Variants in QTMAN observed in about 807,000 individuals in gnomAD.
QTMAN encodes the protein queuosine-tRNA mannosyltransferase.
At chr2:143,993,069 A>T in the QTMAN span, among the ~76,000 whole-genome samples, 3,736 of 152,276 alleles carry the variant, frequency 0.025, 150 homozygotes, top group African/African-American at 0.085. Flanking sequence ...AAAAGCCTTG[A>T]TAATGAACAT....
chr2:144,075,576 G>T, the QTMAN span, among the ~76,000 whole-genome samples: 2 of 152,188 alleles, frequency 1.3e-5, no homozygotes, highest in East Asian at 1.9e-4. Context: ...CCCTTACAAA[G>T]AAGTAGTGAT....
chr2:144,017,695 A>C, the QTMAN span, among the ~76,000 whole-genome samples: 1 of 152,202 alleles, frequency 6.6e-6, no homozygotes, highest in African/African-American at 2.4e-5. Context: ...GTTGCTTGGC[A>C]CATATTAAGA....
At chr2:144,162,539 A>G in the QTMAN span, among the ~76,000 whole-genome samples, 2 of 152,152 alleles carry the variant, frequency 1.3e-5, no homozygotes, top group Non-Finnish European at 2.9e-5. Context: ...TGCCTATAGA[A>G]TAAAGCAGAA....
the QTMAN span, among the ~76,000 whole-genome samples, chr2:144,327,076 A>G: frequency 0.044 from 6,741 of 152,196 alleles, 223 homozygotes; most frequent in South Asian, 0.11. Flanking sequence ...CCCAACCCAC[A>G]GAGGATCCCA....
At chr2:144,119,436 TC>T in the QTMAN span, among the ~76,000 whole-genome samples, 1 of 152,194 alleles carries the variant, frequency 6.6e-6, no homozygotes, top group Non-Finnish European at 1.5e-5. Context: ...CTCTTTTCCA[TC>T]CTCCAAGGCA....
At chr2:144,286,793 AC>A in the QTMAN span, among the ~76,000 whole-genome samples, 3 of 152,238 alleles carry the variant, frequency 2.0e-5, no homozygotes, top group Non-Finnish European at 4.4e-5. Flanking sequence ...AAATGGTATC[AC>A]ACTGCACTCC....
At chr2:144,008,774 T>C in the QTMAN span, among the ~76,000 whole-genome samples, 1 of 151,934 alleles carries the variant, frequency 6.6e-6, no homozygotes, top group Admixed American at 6.6e-5. Context: ...ACGTGTAAAA[T>C]GGGGCATAAA....
At chr2:144,264,500 C>T in the QTMAN span, among the ~76,000 whole-genome samples, 1 of 152,170 alleles carries the variant, frequency 6.6e-6, no homozygotes, top group Non-Finnish European at 1.5e-5. Context: ...AAAATTAAAA[C>T]CACATGGATC....
the QTMAN span, among the ~76,000 whole-genome samples, chr2:144,140,316 T>C: frequency 6.6e-6 from 1 of 152,082 alleles, no homozygotes; most frequent in Non-Finnish European, 1.5e-5. Flanking sequence ...CGGATGTAAA[T>C]GAATTTTAAA....
chr2:144,196,036 C>G, the QTMAN span, among the ~76,000 whole-genome samples: 4 of 151,972 alleles, frequency 2.6e-5, no homozygotes, highest in Admixed American at 1.3e-4. Context: ...TAGAAAAATA[C>G]TTTTCATTAA....
At chr2:144,310,409 T>G in the QTMAN span, among the ~76,000 whole-genome samples, 69 of 152,312 alleles carry the variant, frequency 4.5e-4, 1 homozygote, top group Middle Eastern at 6.8e-3. Flanking sequence ...ACTTTACCTT[T>G]TACATTAAGT....
the QTMAN span, among the ~76,000 whole-genome samples, chr2:144,200,775 G>GA: frequency 2.0e-5 from 3 of 152,154 alleles, no homozygotes; most frequent in East Asian, 5.8e-4. Flanking sequence ...CCATGAAAGT[G>GA]AAAAAAATGT....
chr2:144,278,069 G>T, the QTMAN span, among the ~76,000 whole-genome samples: 1 of 152,166 alleles, frequency 6.6e-6, no homozygotes, highest in African/African-American at 2.4e-5. Context: ...TCTGGGGCCA[G>T]CAGCAAAAAC....
the QTMAN span, among the ~76,000 whole-genome samples, chr2:144,283,416 A>G: frequency 6.6e-6 from 1 of 152,224 alleles, no homozygotes; most frequent in Non-Finnish European, 1.5e-5. Flanking sequence ...TTGAACATAG[A>G]AGAAAAAACA....
chr2:144,254,192 C>A, the QTMAN span, among the ~76,000 whole-genome samples: 1 of 152,174 alleles, frequency 6.6e-6, no homozygotes, highest in Non-Finnish European at 1.5e-5. Context: ...GAGGCCAAGA[C>A]GAGCAGATCA....
the QTMAN span, among the ~76,000 whole-genome samples, chr2:144,092,870 G>GGGGTGTGTGTGT: frequency 1.4e-5 from 2 of 140,726 alleles, no homozygotes; most frequent in East Asian, 4.4e-4. Flanking sequence ...AAACTTTTGG[G>GGGGTGTGTGTGT]GTGTGTGTGT....
At chr2:143,972,418 A>G in the QTMAN span, among the ~76,000 whole-genome samples, 7 of 151,894 alleles carry the variant, frequency 4.6e-5, no homozygotes, top group African/African-American at 1.7e-4. Flanking sequence ...TACCTAAGAG[A>G]TCTTATATTT....
the QTMAN span, among the ~76,000 whole-genome samples, chr2:144,093,955 A>G: frequency 1.3e-5 from 2 of 152,228 alleles, no homozygotes; most frequent in African/African-American, 4.8e-5. Context: ...AGGCATGACC[A>G]ATCTCCAAAC....
At chr2:144,125,716 C>A in the QTMAN span, among the ~76,000 whole-genome samples, 3 of 151,984 alleles carry the variant, frequency 2.0e-5, no homozygotes, top group African/African-American at 7.3e-5. Flanking sequence ...TTAGAAAATA[C>A]CTTATTTCAT....
Sources: allele counts gnomAD v4.1 joint callset (sites outside exome capture counted in the v4.1 genomes callset), GRCh38; gene constraint gnomAD v4.1.1; transcripts MANE v1.5; gene names NCBI Gene and HGNC (gene_info 2026-07-23, HGNC 2026-07-21).